The following COA1 variants were observed in gnomAD, a reference collection of about 807,000 sequenced individuals.
COA1 encodes cytochrome c oxidase assembly factor 1.
A neutral mutation model predicts 16.0 loss-of-function variants in COA1; 13 were observed. The observed-to-expected ratio is 0.81, with a 90% CI of 0.53 to 1.29. The LOEUF is 1.29. Among genes scored for constraint, COA1 ranks in the 50% most tolerant of loss-of-function variants. The probability of loss-of-function intolerance (pLI) is 0.00; values close to 1 mark genes in which losing one functional copy is unlikely to be tolerated. For missense variants in COA1, 179 were observed against 177.0 expected (o/e 1.01, Z -0.06); for synonymous variants, 65 against 65.7 (o/e 0.99, Z 0.05).
intron 3 of COA1, chr7:43,645,656 C>A (rs1414338793): frequency 5.4e-6 from 2 of 370,324 alleles, no homozygotes; most frequent in Non-Finnish European, 1.0e-5. Flanking sequence ...TTCTGCTTCA[C>A]CTCATTTCTA....
chr7:43,710,192 A>C lies in COA1; in HGVS notation c.-39+19237T>G, dbSNP rs1046357645. 7.3e-5 allele frequency among the ~76,000 whole-genome samples: 11 copies of C among 151,050 alleles called. 1 individual carries two copies. The highest frequency in any genetic ancestry group is 7.3e-4 in the Admixed American group (11 of 15,128). The stretch of plus-strand genomic sequence containing the variant: ...TGGTGAAACCCTGCCTCTACTAAAA[A>C]TACAAAAATCAGCCAGGCATTGTGG... On this transcript the variant is annotated intron_variant, in intron 1 of 5. Transcript: ENST00000223336.
At chr7:43,715,853 G>C (rs1191849795) in intron 1 of COA1, among the ~76,000 whole-genome samples, 1 of 152,092 alleles carries the variant, frequency 6.6e-6, no homozygotes, top group Non-Finnish European at 1.5e-5. Flanking sequence ...GTTGTGGGAG[G>C]GACCCAGTGG....
chr7:43,669,698 G>C (rs760041137), intron 1 of COA1, among the ~76,000 whole-genome samples: 22 of 151,754 alleles, frequency 1.4e-4, no homozygotes, highest in Non-Finnish European at 2.4e-4. Context: ...TCTTTGTACA[G>C]GGGAGCTGTT....
intron 1 of COA1, among the ~76,000 whole-genome samples, chr7:43,725,625 G>A (rs907653014): frequency 2.6e-5 from 4 of 152,076 alleles, no homozygotes; most frequent in African/African-American, 9.7e-5. Context: ...TTAGGAGGCC[G>A]AGGCGGTGGA....
In COA1 at chr7:43,645,370, A is replaced by G; in HGVS notation, c.145T>C (p.Leu49=). The change falls in exon 4 of 6, where the codon TTG becomes CTG. Residue 49 remains leucine (L), a synonymous_variant. Transcript: ENST00000223336. ...TGGCTCTGCAGCTGCTCCACTGCCA[A>G]CTTGTAATATAAAGCCCTGGAATGA... ...KFHSRALYYK[L]AVEQLQSHPE... is the part of the protein sequence containing the mutation. 6.2e-7 allele frequency: 1 copy of G among 1,614,122 alleles called. No individual in the cohort carries two copies. The highest frequency in any genetic ancestry group is 1.1e-5 in the South Asian group (1 of 91,086).
chr7:43,696,633 T>C lies in COA1; in HGVS notation c.-39+32796A>G, dbSNP rs532989320. On this transcript the variant is annotated intron_variant, in intron 1 of 5. Transcript: ENST00000223336. ...AAACTGCAGAATGATATGTAAGGTA[T>C]GATGGTGTGTGTGTAGGCTACATCC... Among the ~76,000 whole-genome samples the C allele has an allele frequency of 3.3e-5, 5 of 152,270 alleles. No homozygotes were observed. The East Asian group carries it at 9.6e-4, about 29-fold the overall frequency.
chr7:43,674,647 T>C (rs1358990024), intron 1 of COA1, among the ~76,000 whole-genome samples: 1 of 152,224 alleles, frequency 6.6e-6, no homozygotes, highest in East Asian at 1.9e-4. Flanking sequence ...TTTAGTCTGA[T>C]GTAATCCTAA....
rs1424923934 is a variant in COA1 at position 43,661,421 on chromosome 7, G to T, written c.-38-12769C>A. ...GGAGGCCAAAGCGGGCGGATCACAG[G>T]TCAGGAAATCTAAACCATTCTGGCT... On this transcript the variant is annotated intron_variant, in intron 1 of 5. Coordinates refer to ENST00000223336, the MANE Select transcript of COA1 (RefSeq NM_018224.4). Among the ~76,000 whole-genome samples, 3 of 152,208 alleles carry T rather than the reference G, an allele frequency of 2.0e-5. No individual in the cohort carries two copies. The East Asian group carries it at 5.8e-4, about 29-fold the overall frequency.
intron 1 of COA1, among the ~76,000 whole-genome samples, chr7:43,713,408 T>C (rs2131840142): frequency 6.6e-6 from 1 of 152,312 alleles, no homozygotes; most frequent in South Asian, 2.1e-4. Context: ...CACCCTTCTG[T>C]GGAATAGAAT....
intron 1 of COA1, among the ~76,000 whole-genome samples, chr7:43,683,998 C>A (rs1320776914): frequency 6.6e-6 from 1 of 152,172 alleles, no homozygotes; most frequent in Non-Finnish European, 1.5e-5. Flanking sequence ...GGACCGGAAT[C>A]ATTTGAGGAA....
chr7:43,656,214 G>T (rs2091682166), intron 1 of COA1: 2 of 152,116 alleles, frequency 1.3e-5, no homozygotes, highest in African/African-American at 4.8e-5. Context: ...TTTTGACAAG[G>T]TTTGTTATGC....
At chr7:43,722,086 G>C (rs2095517438) in intron 1 of COA1, among the ~76,000 whole-genome samples, 1 of 124,172 alleles carries the variant, frequency 8.1e-6, no homozygotes, top group Admixed American at 9.4e-5. Context: ...CGTTGATTCT[G>C]GTAACTTTTT....
At chr7:43,617,214 T>C (rs1002283227) in intron 6 of COA1, among the ~76,000 whole-genome samples, 2 of 152,046 alleles carry the variant, frequency 1.3e-5, no homozygotes, top group Non-Finnish European at 2.9e-5. Flanking sequence ...ATGCACACCA[T>C]GCGAAGGAGT....
Position 43,693,089 on chromosome 7 carries a change from A to G in COA1, c.-39+36340T>C, listed in dbSNP as rs117158166. Among the ~76,000 whole-genome samples, 865 of 152,244 alleles carry G rather than the reference A, an allele frequency of 5.7e-3. 4 individuals are homozygous for G. The highest frequency in any genetic ancestry group is 8.7e-3 in the Non-Finnish European group (591 of 68,014). On this transcript the variant is annotated intron_variant, in intron 1 of 5. Transcript: ENST00000223336. ...CAACCAGGGCTGAGAGCCACTTCCA[A>G]CTGAAACCTGGCTCTCCACTGCAGC...
intron 5 of COA1, 33 bp downstream of exon 5, chr7:43,640,540 C>G (rs766623343): frequency 6.7e-7 from 1 of 1,503,038 alleles, no homozygotes; most frequent in South Asian, 1.2e-5. Flanking sequence ...GTCTTCCTCC[C>G]GCTCCCCCAC....
intron 1 of COA1, among the ~76,000 whole-genome samples, chr7:43,667,054 T>C (rs1361675449): frequency 6.6e-6 from 1 of 152,212 alleles, no homozygotes; most frequent in Non-Finnish European, 1.5e-5. Flanking sequence ...TAAGATTTCA[T>C]AGAAACAAAT....
chr7:43,623,669 T>A (rs771427938), intron 6 of COA1: 1 of 1,605,090 alleles, frequency 6.2e-7, no homozygotes, highest in Non-Finnish European at 8.5e-7. Context: ...AAGAAATGAG[T>A]ATGGTACTAA....
At chr7:43,656,189 T>G (rs2091679396) in intron 1 of COA1, 1 of 152,368 alleles carries the variant, frequency 6.6e-6, no homozygotes, top group Middle Eastern at 3.4e-3. Context: ...ATTATTTTAG[T>G]TGTAAGCTAC....
intron 6 of COA1, chr7:43,633,255 T>C (rs1231750842): frequency 6.6e-6 from 1 of 152,262 alleles, no homozygotes; most frequent in Non-Finnish European, 1.5e-5. Flanking sequence ...GTTGTACTTT[T>C]ATGGAGATGG....
Sources: allele counts gnomAD v4.1 joint callset (sites outside exome capture counted in the v4.1 genomes callset), GRCh38; gene constraint gnomAD v4.1.1; transcripts MANE v1.5; gene names NCBI Gene and HGNC (gene_info 2026-07-23, HGNC 2026-07-21).